Variants in ZNF787 observed in about 807,000 individuals in gnomAD.
ZNF787 encodes the protein TTF-I-interacting peptide 20.
ZNF787 carries 7 observed loss-of-function variants against 16.9 expected under a neutral mutation model. The observed-to-expected ratio is 0.42, with a 90% CI of 0.24 to 0.78. ZNF787 has a LOEUF of 0.78. Ranked by LOEUF, ZNF787 falls within the 30% of genes least tolerant of loss-of-function variation. ZNF787 has a pLI of 0.30. For synonymous variants in ZNF787, 345 were observed against 270.9 expected, an observed-to-expected ratio of 1.27 and a Z score of -2.69; for missense variants, 551 against 589.3, an observed-to-expected ratio of 0.94 and a Z score of 0.67.
chr19:56,091,977 C>T (rs548177108), intron 2 of ZNF787, among the ~76,000 whole-genome samples: 3 of 150,724 alleles, frequency 2.0e-5, no homozygotes, highest in African/African-American at 7.3e-5. Context: ...AAGCCAAAGC[C>T]GAAGGCGAAA....
chr19:56,115,998 G>A (rs554588049), intron 1 of ZNF787, among the ~76,000 whole-genome samples: 16 of 152,310 alleles, frequency 1.1e-4, no homozygotes, highest in East Asian at 3.9e-4. Flanking sequence ...TCAGGTGTCC[G>A]TGTAGGTTCA....
chr19:56,117,548 A>C (rs2030174313), intron 1 of ZNF787, among the ~76,000 whole-genome samples: 1 of 152,276 alleles, frequency 6.6e-6, no homozygotes, highest in African/African-American at 2.4e-5. Context: ...ACAGAGCCAC[A>C]ACGTAGGAGG....
intron 2 of ZNF787, among the ~76,000 whole-genome samples, chr19:56,094,473 C>CTTT (rs57458324): frequency 6.8e-6 from 1 of 146,160 alleles, no homozygotes; most frequent in Non-Finnish European, 1.5e-5. Flanking sequence ...CACGCCCCGC[C>CTTT]TTTTTTTTTT....
At chr19:56,119,160 T>C (rs1430502595) in intron 1 of ZNF787, among the ~76,000 whole-genome samples, 3 of 152,120 alleles carry the variant, frequency 2.0e-5, no homozygotes, top group African/African-American at 7.2e-5. Context: ...AGAAGGGCCT[T>C]GAGATCCCTC....
intron 2 of ZNF787, among the ~76,000 whole-genome samples, chr19:56,098,092 G>A (rs1252106772): frequency 6.6e-6 from 1 of 152,074 alleles, no homozygotes; most frequent in Non-Finnish European, 1.5e-5. Context: ...GAAGGAGCCT[G>A]GGGCCCATAC....
chr19:56,120,781 G>A (rs1599966176), intron 1 of ZNF787, among the ~76,000 whole-genome samples: 1 of 151,084 alleles, frequency 6.6e-6, no homozygotes, highest in African/African-American at 2.4e-5. Flanking sequence ...GGCGGAGTTG[G>A]AACTTCGGGG....
At chr19:56,113,722 G>A (rs1017926569) in intron 1 of ZNF787, among the ~76,000 whole-genome samples, 1 of 152,052 alleles carries the variant, frequency 6.6e-6, no homozygotes, top group Non-Finnish European at 1.5e-5. Flanking sequence ...GGGAGGGACT[G>A]CTGAAGATGC....
intron 2 of ZNF787, among the ~76,000 whole-genome samples, chr19:56,094,006 C>G (rs1985766205): frequency 1.5e-5 from 2 of 135,320 alleles, no homozygotes; most frequent in Non-Finnish European, 3.1e-5. Context: ...TCCTTTAAAA[C>G]TGTTTTAATC....
At chr19:56,107,765 T>C (rs1203904253) in intron 1 of ZNF787, among the ~76,000 whole-genome samples, 1 of 151,530 alleles carries the variant, frequency 6.6e-6, no homozygotes, top group Non-Finnish European at 1.5e-5. Flanking sequence ...CACAGGAGCA[T>C]TCCCTGGATG....
intron 1 of ZNF787, among the ~76,000 whole-genome samples, chr19:56,114,303 C>G (rs1448776688): frequency 6.6e-6 from 1 of 151,938 alleles, no homozygotes; most frequent in East Asian, 1.9e-4. Flanking sequence ...CCACTTGCCC[C>G]GGCCAGGCCT....
At chr19:56,104,935 C>T (rs1986244962) in intron 1 of ZNF787, among the ~76,000 whole-genome samples, 1 of 152,176 alleles carries the variant, frequency 6.6e-6, no homozygotes, top group Non-Finnish European at 1.5e-5. Flanking sequence ...TCGAGACCAG[C>T]CTGGCCAGCA....
At chr19:56,106,120 C>T (rs1464022489) in intron 1 of ZNF787, among the ~76,000 whole-genome samples, 2 of 151,912 alleles carry the variant, frequency 1.3e-5, no homozygotes, top group East Asian at 1.9e-4. Context: ...GCAGTCACCG[C>T]GCATTCCCCC....
rs145688806 is a variant in ZNF787 at position 56,109,986 on chromosome 19, C to T, written c.-10-6759G>A. On this transcript the variant is annotated intron_variant, in intron 1 of 2. Transcript: ENST00000610935. ...CAAGGAGGGAAGCCACTGCACGCAGCCTAATGTTCAGGAATTACATAGTGG... is the reference window on the plus strand; with the variant it reads ...CAAGGAGGGAAGCCACTGCACGCAGTCTAATGTTCAGGAATTACATAGTGG... Among the ~76,000 whole-genome samples, 239 of 152,310 alleles carry T rather than the reference C, an allele frequency of 1.6e-3. 1 individual carries two copies. The highest frequency in any genetic ancestry group is 6.8e-3 in the Middle Eastern group (2 of 294).
intron 2 of ZNF787, among the ~76,000 whole-genome samples, chr19:56,099,359 T>C (rs1986002265): frequency 6.6e-6 from 1 of 151,950 alleles, no homozygotes; most frequent in South Asian, 2.1e-4. Context: ...GGAGGGGACA[T>C]GGGGACATTT....
chr19:56,112,003 C>T (rs1428837279), intron 1 of ZNF787, among the ~76,000 whole-genome samples: 1 of 152,166 alleles, frequency 6.6e-6, no homozygotes, highest in Non-Finnish European at 1.5e-5. Context: ...CTTCTTCTCC[C>T]GTCCCTCCAG....
At chr19:56,115,080 G>A (rs1171618943) in intron 1 of ZNF787, among the ~76,000 whole-genome samples, 5 of 152,036 alleles carry the variant, frequency 3.3e-5, no homozygotes, top group South Asian at 2.1e-4. Context: ...CATTTCCTCA[G>A]CCCCGGGACA....
chr19:56,112,563 C>T (rs1013738519), intron 1 of ZNF787, among the ~76,000 whole-genome samples: 1 of 151,612 alleles, frequency 6.6e-6, no homozygotes, highest in Admixed American at 6.6e-5. Context: ...CCTCCTCCCC[C>T]CGCACTCTCG....
In ZNF787 at chr19:56,106,925, A is replaced by G. The variant is rs1329116996; in HGVS notation, c.-10-3698T>C. Among the ~76,000 whole-genome samples the G allele has an allele frequency of 2.6e-5, 4 of 152,318 alleles. 1 individual carries two copies. Among genetic ancestry groups the G allele is most frequent in the Middle Eastern group, 6.8e-3 (2 of 294 alleles). ...TTCCCGAGTCCCTCCAGTGACAAGAAGCTCACCACTATCCAGGTACAGAAC... is the reference window on the plus strand; with the variant it reads ...TTCCCGAGTCCCTCCAGTGACAAGAGGCTCACCACTATCCAGGTACAGAAC... On this transcript the variant is annotated intron_variant, in intron 1 of 2. Transcript: ENST00000610935.
chr19:56,099,721 A>AAAG (rs1555776405), intron 2 of ZNF787, among the ~76,000 whole-genome samples: 6 of 151,008 alleles, frequency 4.0e-5, no homozygotes, highest in African/African-American at 1.5e-4. Context: ...AAAAAAAAAA[A>AAAG]AAAAGAAAAG....
Sources: allele counts gnomAD v4.1 joint callset (sites outside exome capture counted in the v4.1 genomes callset), GRCh38; gene constraint gnomAD v4.1.1; transcripts MANE v1.5; gene names NCBI Gene and HGNC (gene_info 2026-07-23, HGNC 2026-07-21).